B3GALT1: variants seen among roughly 807,000 people sequenced by gnomAD.
B3GALT1 encodes beta-1,3-galactosyltransferase 1, also known as UDP-Gal:betaGlcNAc beta 1,3-galactosyltransferase, polypeptide 1.
Under a neutral mutation model 23.2 loss-of-function variants are expected in B3GALT1, and 10 were observed. The observed-to-expected ratio is 0.43, with a 90% CI of 0.27 to 0.73. The LOEUF (loss-of-function observed/expected upper bound fraction) is 0.73. Ranked by LOEUF, B3GALT1 falls within the 30% of genes least tolerant of loss-of-function variation. The probability of loss-of-function intolerance (pLI) is 0.21; values close to 1 mark genes in which losing one functional copy is unlikely to be tolerated. For missense variants in B3GALT1, 299 were observed against 405.4 expected, an observed-to-expected ratio of 0.74 and a Z score of 2.25; for synonymous variants, 156 against 141.5, an observed-to-expected ratio of 1.10 and a Z score of -0.73.
chr2:167,308,433 T>G (rs1351112992), intron 1 of B3GALT1, among the ~76,000 whole-genome samples: 3 of 152,072 alleles, frequency 2.0e-5, no homozygotes, highest in African/African-American at 7.2e-5. Context: ...CTGCCTGTAT[T>G]ATTCATATCT....
At chr2:167,731,417 C>A (rs760912747) in intron 3 of B3GALT1, among the ~76,000 whole-genome samples, 29 of 152,292 alleles carry the variant, frequency 1.9e-4, no homozygotes, top group East Asian at 3.9e-4. Flanking sequence ...TGTGTACCCC[C>A]AGGATCATCA....
chr2:167,784,209 C>T (rs145773026), intron 3 of B3GALT1, among the ~76,000 whole-genome samples: 158 of 152,302 alleles, frequency 1.0e-3, no homozygotes, highest in African/African-American at 3.1e-3. Context: ...AATACCCAGC[C>T]ACCCCCATCA....
At chr2:167,561,508 A>G (rs1020421298) in intron 2 of B3GALT1, among the ~76,000 whole-genome samples, 6 of 152,104 alleles carry the variant, frequency 3.9e-5, no homozygotes, top group Non-Finnish European at 8.8e-5. Context: ...AAAATTAATG[A>G]ATCCAGGAGC....
intron 1 of B3GALT1, among the ~76,000 whole-genome samples, chr2:167,303,682 C>CACACACAGAGAGAG (rs535369991): frequency 7.2e-4 from 107 of 148,820 alleles, no homozygotes; most frequent in Non-Finnish European, 1.1e-3. Context: ...CACACACACA[C>CACACACAGAGAGAG]AGAGAGAGAC....
At chr2:167,767,720 A>G (rs1419258844) in intron 3 of B3GALT1, among the ~76,000 whole-genome samples, 1 of 152,216 alleles carries the variant, frequency 6.6e-6, no homozygotes, top group Admixed American at 6.6e-5. Flanking sequence ...ATTTTATTAT[A>G]AAGTATCTTC....
chr2:167,823,408 C>T (rs1456136050), intron 4 of B3GALT1, among the ~76,000 whole-genome samples: 1 of 152,042 alleles, frequency 6.6e-6, no homozygotes, highest in East Asian at 1.9e-4. Flanking sequence ...GAGTTGGTGC[C>T]TCATTTGGAA....
At chr2:167,543,842 A>G (rs1222073044) in intron 2 of B3GALT1, among the ~76,000 whole-genome samples, 3 of 152,232 alleles carry the variant, frequency 2.0e-5, no homozygotes, top group Non-Finnish European at 4.4e-5. Context: ...ACAACAGGGA[A>G]TCAGACATAT....
chr2:167,404,975 A>T, intron 1 of B3GALT1, among the ~76,000 whole-genome samples: 1 of 152,164 alleles, frequency 6.6e-6, no homozygotes, highest in East Asian at 1.9e-4. Flanking sequence ...ACAGGAAAAA[A>T]TCCCGAATGT....
chr2:167,867,040 C>T (rs917556047), intron 4 of B3GALT1, among the ~76,000 whole-genome samples: 2 of 152,022 alleles, frequency 1.3e-5, no homozygotes, highest in Non-Finnish European at 2.9e-5. Context: ...CATTCTCCTG[C>T]CTCAGCCTCC....
chr2:167,415,196 G>A (rs775760499), intron 1 of B3GALT1, among the ~76,000 whole-genome samples: 9 of 152,164 alleles, frequency 5.9e-5, no homozygotes, highest in Non-Finnish European at 1.2e-4. Flanking sequence ...GGTCCTGAAA[G>A]TGCTGCCTTC....
At chr2:167,401,225 A>G (rs988521177) in intron 1 of B3GALT1, among the ~76,000 whole-genome samples, 1 of 152,116 alleles carries the variant, frequency 6.6e-6, no homozygotes. Flanking sequence ...AAAATTCTGA[A>G]TTTTATTTGA....
chr2:167,577,128 A>T (rs984883034), intron 2 of B3GALT1, among the ~76,000 whole-genome samples: 2 of 151,726 alleles, frequency 1.3e-5, no homozygotes, highest in African/African-American at 2.4e-5. Context: ...GGTGAAACTG[A>T]TGGCTTTTTG....
At chr2:167,633,815 G>T (rs1210478709) in intron 2 of B3GALT1, among the ~76,000 whole-genome samples, 1 of 152,046 alleles carries the variant, frequency 6.6e-6, no homozygotes, top group Non-Finnish European at 1.5e-5. Flanking sequence ...GGATATTCAG[G>T]ACTTGAACTC....
intron 1 of B3GALT1, among the ~76,000 whole-genome samples, chr2:167,411,196 G>C (rs1197463949): frequency 6.6e-6 from 1 of 151,452 alleles, no homozygotes; most frequent in African/African-American, 2.4e-5. Context: ...AGACAAATGG[G>C]ATTACATCAA....
chr2:167,830,118 GTTCTCGCCAA>G (rs1689316121), intron 4 of B3GALT1, among the ~76,000 whole-genome samples: 2 of 152,134 alleles, frequency 1.3e-5, no homozygotes, highest in Admixed American at 1.3e-4. Context: ...TCTCTCTGTC[GTTCTCGCCAA>G]TGCCCACCAG....
chr2:167,300,653 A>G (rs542212294), intron 1 of B3GALT1, among the ~76,000 whole-genome samples: 39 of 152,222 alleles, frequency 2.6e-4, no homozygotes, highest in Non-Finnish European at 4.7e-4. Context: ...TGAAATAATC[A>G]CAAATATGTG....
At chr2:167,722,900 CA>C (rs772313780) in intron 3 of B3GALT1, among the ~76,000 whole-genome samples, 1 of 151,900 alleles carries the variant, frequency 6.6e-6, no homozygotes, top group Non-Finnish European at 1.5e-5. Context: ...CAAGGTAACC[CA>C]GAAAAAAAGT....
intron 3 of B3GALT1, among the ~76,000 whole-genome samples, chr2:167,683,148 A>T (rs569412242): frequency 5.9e-5 from 9 of 152,324 alleles, no homozygotes; most frequent in East Asian, 1.9e-4. Flanking sequence ...TTCCCTAAAT[A>T]CTTTAAGCAG....
chr2:167,753,325 G>A (rs554247227), intron 3 of B3GALT1, among the ~76,000 whole-genome samples: 10 of 152,142 alleles, frequency 6.6e-5, no homozygotes, highest in African/African-American at 1.9e-4. Context: ...GTCAATCTGC[G>A]CTAGCCATGG....
Sources: allele counts gnomAD v4.1 joint callset (sites outside exome capture counted in the v4.1 genomes callset), GRCh38; gene constraint gnomAD v4.1.1; transcripts MANE v1.5; gene names NCBI Gene and HGNC (gene_info 2026-07-23, HGNC 2026-07-21).